RBPMS: variants seen among roughly 807,000 people sequenced by gnomAD.
The protein encoded by RBPMS is RNA binding protein, mRNA processing factor, also known as RNA-binding protein with multiple splicing.
A neutral mutation model predicts 26.8 loss-of-function variants in RBPMS; 7 were observed. The observed-to-expected ratio is 0.26, with a 90% CI of 0.15 to 0.49. RBPMS has a LOEUF of 0.49. Ranked by LOEUF, RBPMS falls within the 20% of genes least tolerant of loss-of-function variation. RBPMS has a pLI of 0.98. For synonymous variants in RBPMS, 96 were observed against 93.3 expected, an observed-to-expected ratio of 1.03 and a Z score of -0.17; for missense variants, 186 against 250.0, an observed-to-expected ratio of 0.74 and a Z score of 1.73.
At position 30,566,210 on chromosome 8, in the gene RBPMS, G is replaced by A. The variant is rs529316688; in HGVS notation, c.*8-47G>A. 11 of 976,694 alleles carry A rather than the reference G, an allele frequency of 1.1e-5. No homozygotes were observed. The African/African-American group carries it at 1.6e-4, about 14-fold the overall frequency. 60.5% of individuals were successfully genotyped at this position (976,694 alleles called of 1,614,324 possible). On this transcript the variant is annotated intron_variant, in intron 7 of 8. Transcript: ENST00000397323. ...GTCTTCAAGACCGAGGCAGCCCCAG[G>A]TGGAGGTTACTGTGCACCGTTAACG...
intron 1 of RBPMS, among the ~76,000 whole-genome samples, chr8:30,422,423 TTAAATAA>T (rs1810898822): frequency 2.0e-5 from 3 of 152,124 alleles, no homozygotes; most frequent in Non-Finnish European, 4.4e-5. Context: ...CGAAATTTTC[TTAAATAA>T]TAATAATACT....
chr8:30,386,387 A>C (rs965841426), intron 1 of RBPMS, among the ~76,000 whole-genome samples: 2 of 152,228 alleles, frequency 1.3e-5, no homozygotes, highest in African/African-American at 4.8e-5. Context: ...TATGCCAAAC[A>C]ATGCAAAATA....
Position 30,490,516 on chromosome 8 carries a change from A to G in RBPMS, c.246+11139A>G, listed in dbSNP as rs773209248. 5.3e-5 allele frequency among the ~76,000 whole-genome samples: 8 copies of G among 151,692 alleles called. No individual in the cohort carries two copies. In the East Asian group the frequency reaches 1.2e-3, roughly 22 times the overall value. On this transcript the variant is annotated intron_variant, in intron 4 of 8. Transcript: ENST00000397323. The stretch of plus-strand genomic sequence containing the variant: ...GCTCTGTCACCCAGGCTGGAGTGCA[A>G]TGGTGCAATCTTGGCTCACTGCAAC...
intron 5 of RBPMS, among the ~76,000 whole-genome samples, chr8:30,530,968 A>C (rs1373988142): frequency 6.6e-6 from 1 of 152,084 alleles, no homozygotes; most frequent in Non-Finnish European, 1.5e-5. Context: ...CGTATGTATA[A>C]GTATGGGCTT....
intron 5 of RBPMS, among the ~76,000 whole-genome samples, chr8:30,533,867 C>T (rs1229595448): frequency 6.6e-6 from 1 of 152,172 alleles, no homozygotes; most frequent in Non-Finnish European, 1.5e-5. Flanking sequence ...GGCATGGTGG[C>T]TCACGCCTAT....
At chr8:30,391,038 T>C (rs184099440) in intron 1 of RBPMS, among the ~76,000 whole-genome samples, 1 of 152,064 alleles carries the variant, frequency 6.6e-6, no homozygotes, top group Non-Finnish European at 1.5e-5. Flanking sequence ...CTTCCATCCC[T>C]TTGTCATTAG....
chr8:30,520,658 A>G (rs144546766), intron 5 of RBPMS, among the ~76,000 whole-genome samples: 175 of 152,184 alleles, frequency 1.1e-3, no homozygotes, highest in African/African-American at 3.8e-3. Context: ...TTCTTTGGCT[A>G]TTTATCTGGT....
intron 5 of RBPMS, among the ~76,000 whole-genome samples, chr8:30,515,617 G>C (rs1201150098): frequency 6.6e-6 from 1 of 151,986 alleles, no homozygotes; most frequent in Non-Finnish European, 1.5e-5. Context: ...TAAATATGTA[G>C]ATTTCACTAA....
At chr8:30,523,171 G>A (rs1277835682) in intron 5 of RBPMS, among the ~76,000 whole-genome samples, 1 of 152,154 alleles carries the variant, frequency 6.6e-6, no homozygotes, top group African/African-American at 2.4e-5. Flanking sequence ...GAGGTCAGGA[G>A]TTTGAGACCA....
At chr8:30,485,770 A>G (rs1293707331) in intron 4 of RBPMS, among the ~76,000 whole-genome samples, 1 of 152,216 alleles carries the variant, frequency 6.6e-6, no homozygotes, top group African/African-American at 2.4e-5. Flanking sequence ...TGTACAATTC[A>G]GAAAGAAAGC....
intron 1 of RBPMS, among the ~76,000 whole-genome samples, chr8:30,392,988 T>TC (rs36054638): frequency 6.6e-6 from 1 of 152,146 alleles, no homozygotes; most frequent in African/African-American, 2.4e-5. Flanking sequence ...ATTCCTGCTT[T>TC]CTAGGAAACG....
intron 7 of RBPMS, chr8:30,562,246 G>A (rs193059891): frequency 0.011 from 1,715 of 157,214 alleles, 24 homozygotes; most frequent in African/African-American, 0.038. Flanking sequence ...CAGGAGAATC[G>A]CTTGAACCCG....
chr8:30,408,686 C>G (rs6468325), intron 1 of RBPMS, among the ~76,000 whole-genome samples: 55,221 of 152,050 alleles, frequency 0.36, 10,673 homozygotes, highest in East Asian at 0.71. Context: ...GTGACAGTAA[C>G]ACCCAATGTT....
chr8:30,426,987 G>A (rs569838145), intron 1 of RBPMS, among the ~76,000 whole-genome samples: 1 of 152,092 alleles, frequency 6.6e-6, no homozygotes. Flanking sequence ...AAGGGGTCTC[G>A]CTTTGTTTCC....
chr8:30,561,181 G>T (rs565473889), intron 7 of RBPMS, among the ~76,000 whole-genome samples: 1 of 152,078 alleles, frequency 6.6e-6, no homozygotes, highest in South Asian at 2.1e-4. Flanking sequence ...TTTTGCTCCA[G>T]GGAATACCAT....
chr8:30,495,762 C>T (rs929971050), intron 4 of RBPMS, among the ~76,000 whole-genome samples: 2 of 152,166 alleles, frequency 1.3e-5, no homozygotes, highest in African/African-American at 2.4e-5. Flanking sequence ...TTACATCTGA[C>T]GGATTCTTTC....
At chr8:30,489,451 C>CT (rs1411268376) in intron 4 of RBPMS, among the ~76,000 whole-genome samples, 1 of 151,558 alleles carries the variant, frequency 6.6e-6, no homozygotes, top group Non-Finnish European at 1.5e-5. Context: ...CCTAAAGTCT[C>CT]TTTTTCTTTT....
intron 4 of RBPMS, among the ~76,000 whole-genome samples, chr8:30,487,026 A>G (rs16877080): frequency 0.024 from 3,674 of 152,278 alleles, 143 homozygotes; most frequent in African/African-American, 0.084. Flanking sequence ...TGCCTCTGTT[A>G]TAAATGTAAA....
intron 1 of RBPMS, among the ~76,000 whole-genome samples, chr8:30,461,283 G>A (rs556962796): frequency 6.6e-6 from 1 of 152,230 alleles, no homozygotes; most frequent in East Asian, 1.9e-4. Context: ...ATAACTTTTA[G>A]GGACAATTTT....
Sources: allele counts gnomAD v4.1 joint callset (sites outside exome capture counted in the v4.1 genomes callset), GRCh38; gene constraint gnomAD v4.1.1; transcripts MANE v1.5; gene names NCBI Gene and HGNC (gene_info 2026-07-23, HGNC 2026-07-21).